PLEKHA7: variants seen among roughly 807,000 people sequenced by gnomAD.
PLEKHA7 encodes pleckstrin homology domain-containing family A member 7.
A neutral mutation model predicts 170.0 loss-of-function variants in PLEKHA7; 104 were observed. That is an observed-to-expected ratio of 0.61 (90% CI 0.52 to 0.72). PLEKHA7 has a LOEUF of 0.72. Ranked by LOEUF, PLEKHA7 falls within the 30% of genes least tolerant of loss-of-function variation. The pLI, the probability that PLEKHA7 is intolerant of heterozygous loss-of-function variation, is 0.00. For synonymous variants in PLEKHA7, 648 were observed against 660.8 expected (o/e 0.98, Z 0.30); for missense variants, 1,615 against 1,671.7 (o/e 0.97, Z 0.59).
intron 3 of PLEKHA7, among the ~76,000 whole-genome samples, chr11:16,906,224 T>TAGGAGGGA: frequency 8.6e-6 from 1 of 116,222 alleles, no homozygotes; most frequent in South Asian, 3.3e-4. Context: ...TAAAATGAGG[T>TAGGAGGGA]AGGAAGGAAG....
chr11:17,008,034 C>T (rs1018813071), intron 3 of PLEKHA7, among the ~76,000 whole-genome samples: 2 of 152,124 alleles, frequency 1.3e-5, no homozygotes, highest in Non-Finnish European at 2.9e-5. Context: ...AATTATGTAG[C>T]CAGTCCTGCC....
intron 26 of PLEKHA7, among the ~76,000 whole-genome samples, chr11:16,779,513 T>C (rs1223950737): frequency 6.6e-6 from 1 of 152,220 alleles, no homozygotes; most frequent in Non-Finnish European, 1.5e-5. Context: ...TCTCTGTGAC[T>C]GAGCGCTGTT....
chr11:16,872,809 ATT>A (rs11331184), intron 3 of PLEKHA7, among the ~76,000 whole-genome samples: 6 of 150,388 alleles, frequency 4.0e-5, no homozygotes, highest in African/African-American at 7.3e-5. Context: ...GCCAAATGTA[ATT>A]TTTTTTTTTC....
chr11:16,855,902 A>G lies in PLEKHA7; in HGVS notation c.318T>C (p.His106=). 6.2e-7 allele frequency: 1 copy of G among 1,613,924 alleles called. No homozygotes were observed. The highest frequency in any genetic ancestry group is 8.5e-7 in the Non-Finnish European group (1 of 1,179,810). ...EFILQEEPNP[H]MSKQDRNQRP... ...TTTGGTTTCTGTCTTGCTTCGACAT[A>G]TGTGGATTCGGCCTGTGAGGAGACA... The change falls in exon 5 of 27, where the codon CAT becomes CAC. Residue 106 remains histidine (H), a synonymous_variant. Coordinates refer to ENST00000531066, the MANE Select transcript of PLEKHA7 (RefSeq NM_001329630.2).
chr11:16,817,083 T>C lies in PLEKHA7; in HGVS notation c.1583A>G (p.Gln528Arg). Residue 528 changes from glutamine to arginine, a missense_variant, in exon 11 of 27, where the codon CAG becomes CGG. By Grantham distance (43) the Gln-to-Arg change is conservative. Transcript: ENST00000531066. The surrounding 1 kb of genome is among the most constrained non-coding windows in gnomAD (Gnocchi z 4.4). The part of the protein sequence containing the change: ...GTVWQLYEWQ[Q>R]RQQFRHGSPT... ...GCTGCCGTGCCGGAACTGCTGGCGC[T>C]GCTGCCACTCGTAGAGCTGCCACAC... 6.2e-7 allele frequency: 1 copy of C among 1,613,416 alleles called. No homozygotes were observed. Among genetic ancestry groups the C allele is most frequent in the Non-Finnish European group, 8.5e-7 (1 of 1,179,634 alleles).
chr11:16,977,249 G>C (rs1488678720), intron 3 of PLEKHA7, among the ~76,000 whole-genome samples: 1 of 152,134 alleles, frequency 6.6e-6, no homozygotes, highest in Non-Finnish European at 1.5e-5. Flanking sequence ...GAATCAGAGA[G>C]AACTCCTGGA....
At chr11:16,913,779 G>T (rs1311191634) in intron 3 of PLEKHA7, among the ~76,000 whole-genome samples, 1 of 152,166 alleles carries the variant, frequency 6.6e-6, no homozygotes, top group Non-Finnish European at 1.5e-5. Context: ...GTGCACAATG[G>T]TCAGAAGCAG....
intron 3 of PLEKHA7, among the ~76,000 whole-genome samples, chr11:16,954,547 A>C (rs78938052): frequency 0.017 from 2,596 of 151,938 alleles, 89 homozygotes; most frequent in African/African-American, 0.06. Flanking sequence ...AAAAAAAAAA[A>C]CAAAAACTAA....
intron 3 of PLEKHA7, among the ~76,000 whole-genome samples, chr11:16,897,895 T>C (rs12287417): frequency 1.1e-3 from 167 of 152,210 alleles, no homozygotes; most frequent in African/African-American, 4.0e-3. Context: ...TGACAAACGC[T>C]CATTTCAGGG....
intron 3 of PLEKHA7, among the ~76,000 whole-genome samples, chr11:16,912,018 G>A (rs1183179193): frequency 6.6e-6 from 1 of 152,148 alleles, no homozygotes. Flanking sequence ...TGAAAGCCCT[G>A]ATGCAATGCT....
At chr11:16,854,814 T>C in intron 6 of PLEKHA7, 75 bp downstream of exon 6, 1 of 1,336,122 alleles carries the variant, frequency 7.5e-7, no homozygotes, top group Non-Finnish European at 1.1e-6. Context: ...CATCCCTAGC[T>C]TCCTGGTGCC....
chr11:17,008,901 T>C (rs917514599), intron 3 of PLEKHA7, among the ~76,000 whole-genome samples: 1 of 152,190 alleles, frequency 6.6e-6, no homozygotes, highest in African/African-American at 2.4e-5. Context: ...ATAGGTCCCA[T>C]GTTTGAAAAA....
intron 3 of PLEKHA7, among the ~76,000 whole-genome samples, chr11:16,939,720 C>T (rs1860549614): frequency 6.6e-6 from 1 of 152,198 alleles, no homozygotes; most frequent in South Asian, 2.1e-4. Context: ...TTTCTCTCCT[C>T]ATGTTCCCCA....
chr11:16,829,711 G>C (rs1486984156), intron 9 of PLEKHA7, among the ~76,000 whole-genome samples: 1 of 152,178 alleles, frequency 6.6e-6, no homozygotes, highest in Non-Finnish European at 1.5e-5. Flanking sequence ...GGGAGGCACA[G>C]GTTGCAGTAG....
chr11:16,797,065 T>G (rs1392363008), intron 17 of PLEKHA7, among the ~76,000 whole-genome samples: 1 of 152,008 alleles, frequency 6.6e-6, no homozygotes, highest in African/African-American at 2.4e-5. Context: ...TAAAAAAAAA[T>G]TATAAACTCC....
chr11:16,911,464 G>A (rs889357938), intron 3 of PLEKHA7, among the ~76,000 whole-genome samples: 3 of 152,300 alleles, frequency 2.0e-5, no homozygotes, highest in South Asian at 2.1e-4. Flanking sequence ...ACATCAAGTC[G>A]TGTGCATTAG....
intron 19 of PLEKHA7, among the ~76,000 whole-genome samples, chr11:16,792,876 T>G (rs1847956548): frequency 6.6e-6 from 1 of 152,204 alleles, no homozygotes. Flanking sequence ...TGGGCTCAAA[T>G]GATCCTCCTG....
intron 3 of PLEKHA7, among the ~76,000 whole-genome samples, chr11:16,990,602 T>G (rs556801931): frequency 6.6e-6 from 1 of 152,330 alleles, no homozygotes; most frequent in African/African-American, 2.4e-5. Flanking sequence ...CACACCATTA[T>G]CAACCTCAAG....
At chr11:16,948,602 C>T (rs912051387) in intron 3 of PLEKHA7, among the ~76,000 whole-genome samples, 15 of 151,624 alleles carry the variant, frequency 9.9e-5, no homozygotes, top group Non-Finnish European at 1.8e-4. Context: ...CATATATACT[C>T]GCACCCCACA....
Sources: allele counts gnomAD v4.1 joint callset (sites outside exome capture counted in the v4.1 genomes callset), GRCh38; gene constraint gnomAD v4.1.1; non-coding constraint Gnocchi (gnomAD v3.1); transcripts MANE v1.5; gene names NCBI Gene and HGNC (gene_info 2026-07-23, HGNC 2026-07-21).